SPEF2: variants seen among roughly 807,000 people sequenced by gnomAD.
SPEF2 encodes the protein sperm flagellar and cilia associated 2.
SPEF2 carries 187 observed loss-of-function variants against 224.6 expected under a neutral mutation model. The observed-to-expected ratio is 0.83, with a 90% CI of 0.74 to 0.94. The LOEUF (loss-of-function observed/expected upper bound fraction) is 0.94, where lower values mean the gene tolerates loss of function less well. Ranked by LOEUF, SPEF2 falls within the 40% of genes least tolerant of loss-of-function variation. SPEF2 has a pLI of 0.00. For synonymous variants in SPEF2, 715 were observed against 707.3 expected (o/e 1.01, Z -0.17); for missense variants, 2,170 against 2,135.6 (o/e 1.02, Z -0.32).
At chr5:35,759,542 A>G in intron 24 of SPEF2, 26 bp from the exon 25 acceptor site, 2 of 1,536,214 alleles carry the variant, frequency 1.3e-6, no homozygotes, top group East Asian at 2.3e-5. Context: ...TTTCTTGGAT[A>G]TTAACATTCA....
chr5:35,628,448 T>G lies in SPEF2; in HGVS notation c.59-12T>G, dbSNP rs748171564. 2 of 1,582,980 alleles carry G rather than the reference T, an allele frequency of 1.3e-6. No individual in the cohort carries two copies. The highest frequency in any genetic ancestry group is 1.7e-6 in the Non-Finnish European group (2 of 1,152,152). On this transcript the variant is annotated splice_polypyrimidine_tract_variant and intron_variant, in intron 1 of 36. Transcript: ENST00000356031. ...GTATTCATGGTTTTTATCTCAATGT[T>G]TTGAAACTCAGGTCCCAAGTCATTT...
At chr5:35,640,146 ACTCTT>A (rs1213856223) in intron 2 of SPEF2, among the ~76,000 whole-genome samples, 1 of 151,876 alleles carries the variant, frequency 6.6e-6, no homozygotes, top group Non-Finnish European at 1.5e-5. Context: ...GAAAGAGAAA[ACTCTT>A]CTCTCTTTTT....
chr5:35,703,015 T>G (rs1738965021), intron 16 of SPEF2, among the ~76,000 whole-genome samples: 1 of 150,860 alleles, frequency 6.6e-6, no homozygotes, highest in South Asian at 2.1e-4. Flanking sequence ...GAGACAGAGA[T>G]AGAGAGTGAG....
intron 7 of SPEF2, among the ~76,000 whole-genome samples, chr5:35,656,335 T>A (rs560504009): frequency 3.3e-5 from 5 of 152,312 alleles, no homozygotes; most frequent in African/African-American, 1.2e-4. Flanking sequence ...ATTCATGGAT[T>A]CCACTTCTTT....
At chr5:35,792,015 T>A (rs952425905) in intron 30 of SPEF2, among the ~76,000 whole-genome samples, 4 of 152,106 alleles carry the variant, frequency 2.6e-5, no homozygotes, top group East Asian at 1.9e-4. Context: ...TCATATATAT[T>A]TTTTAAAAAT....
At chr5:35,673,942 T>C (rs1283790988) in intron 10 of SPEF2, among the ~76,000 whole-genome samples, 1 of 152,126 alleles carries the variant, frequency 6.6e-6, no homozygotes, top group African/African-American at 2.4e-5. Flanking sequence ...CACCAAAGAA[T>C]AGAAATATGG....
rs1742874985 is a variant in SPEF2 at position 35,617,930 on chromosome 5, G to C, written c.-68G>C. On this transcript the variant is annotated 5_prime_UTR_variant, in exon 1 of 37. Transcript: ENST00000356031. ...GTTGCCCTTGGCTACAGGAGGACGC[G>C]GGCTGGCAGGCTTGGTTCCTGGCGA... 3.4e-6 allele frequency: 5 copies of C among 1,491,782 alleles called. No homozygotes were observed. Among genetic ancestry groups the C allele is most frequent in the Non-Finnish European group, 4.6e-6 (5 of 1,092,006 alleles). 92.4% of individuals were successfully genotyped at this position (1,491,782 alleles called of 1,614,324 possible).
At chr5:35,751,052 T>TACAC (rs1749455352) in intron 23 of SPEF2, among the ~76,000 whole-genome samples, 2 of 57,510 alleles carry the variant, frequency 3.5e-5, no homozygotes, top group Admixed American at 2.3e-4. Flanking sequence ...TGTATATATA[T>TACAC]ATACGTATAT....
At chr5:35,800,481 G>C (rs1227139853) in intron 34 of SPEF2, among the ~76,000 whole-genome samples, 1 of 152,142 alleles carries the variant, frequency 6.6e-6, no homozygotes, top group Admixed American at 6.5e-5. Context: ...ATCCATTTGG[G>C]ATTCTGTGTA....
intron 10 of SPEF2, among the ~76,000 whole-genome samples, chr5:35,677,509 T>C (rs891324682): frequency 2.6e-5 from 4 of 152,184 alleles, no homozygotes; most frequent in Non-Finnish European, 5.9e-5. Flanking sequence ...GTCTTATTTT[T>C]TGTTTCTTTG....
chr5:35,623,615 G>A (rs112248713), intron 1 of SPEF2, among the ~76,000 whole-genome samples: 55 of 152,302 alleles, frequency 3.6e-4, no homozygotes, highest in African/African-American at 1.3e-3. Flanking sequence ...GAAATAGACT[G>A]TGTTTAAGTA....
chr5:35,644,585 T>C (rs1747086639), intron 4 of SPEF2, 60 bp downstream of exon 4: 3 of 1,369,860 alleles, frequency 2.2e-6, no homozygotes, highest in Non-Finnish European at 3.0e-6. Context: ...TTGTGATTTA[T>C]GCGTATAGTA....
chr5:35,732,431 A>C (rs1288172053), intron 21 of SPEF2, among the ~76,000 whole-genome samples: 1 of 152,136 alleles, frequency 6.6e-6, no homozygotes, highest in Non-Finnish European at 1.5e-5. Flanking sequence ...GATTATGACA[A>C]ACTAGAAACC....
intron 10 of SPEF2, among the ~76,000 whole-genome samples, chr5:35,681,349 T>C (rs766705921): frequency 5.9e-5 from 9 of 152,158 alleles, no homozygotes; most frequent in Non-Finnish European, 1.3e-4. Context: ...TATGAGAAAT[T>C]ATACTGAGAA....
intron 19 of SPEF2, among the ~76,000 whole-genome samples, chr5:35,711,546 T>A (rs1741135774): frequency 6.6e-6 from 1 of 152,070 alleles, no homozygotes; most frequent in African/African-American, 2.4e-5. Flanking sequence ...TAATACTACC[T>A]ATACTTCTAT....
At chr5:35,655,036 GTA>G (rs1748768956) in intron 7 of SPEF2, among the ~76,000 whole-genome samples, 1 of 152,148 alleles carries the variant, frequency 6.6e-6, no homozygotes, top group African/African-American at 2.4e-5. Context: ...CCTAAAATCT[GTA>G]TCTGCCATGT....
Position 35,792,345 on chromosome 5 carries a change from A to G in SPEF2, c.4453A>G (p.Ile1485Val), listed in dbSNP as rs2149833083. The change falls in exon 31 of 37, where the codon ATA becomes GTA. Residue 1485 changes from isoleucine to valine, a missense_variant. Ile to Val is a conservative substitution (Grantham distance 29, BLOSUM62 3). Coordinates refer to ENST00000356031, the MANE Select transcript of SPEF2 (RefSeq NM_024867.4). ...QFLDMAPKGIIGNKAFTDILI... is the reference protein window; with the variant it reads ...QFLDMAPKGIVGNKAFTDILI... The stretch of plus-strand genomic sequence containing the variant: ...TATTTTTCATTGTATTATAGGCATA[A>G]TAGGAAATAAAGCATTTACTGACAT... 2.5e-6 allele frequency: 4 copies of G among 1,613,304 alleles called. No individual in the cohort carries two copies. The highest frequency in any genetic ancestry group is 1.7e-6 in the Non-Finnish European group (2 of 1,179,494).
At chr5:35,753,805 G>T in intron 24 of SPEF2, 44 bp downstream of exon 24, 1 of 1,611,538 alleles carries the variant, frequency 6.2e-7, no homozygotes, top group Non-Finnish European at 8.5e-7. Context: ...TCCCTTCACA[G>T]CCTCATTCCT....
At chr5:35,797,456 C>G (rs1256160550) in intron 33 of SPEF2, among the ~76,000 whole-genome samples, 1 of 152,026 alleles carries the variant, frequency 6.6e-6, no homozygotes, top group Non-Finnish European at 1.5e-5. Context: ...ACATAAATCT[C>G]AATGTTCTTA....
Sources: allele counts gnomAD v4.1 joint callset (sites outside exome capture counted in the v4.1 genomes callset), GRCh38; gene constraint gnomAD v4.1.1; transcripts MANE v1.5; gene names NCBI Gene and HGNC (gene_info 2026-07-23, HGNC 2026-07-21).